The following CCDC7 variants were observed in gnomAD, a reference collection of about 807,000 sequenced individuals.
CCDC7 encodes coiled-coil domain containing 7.
CCDC7 carries 183 observed loss-of-function variants against 196.9 expected under a neutral mutation model. The observed-to-expected ratio is 0.93, with a 90% CI of 0.82 to 1.05. The LOEUF is 1.05. CCDC7 is among the 50% of genes least tolerant of loss of function. CCDC7 has a pLI of 0.00. For synonymous variants in CCDC7, 525 were observed against 484.6 expected (o/e 1.08, Z -1.10); for missense variants, 1,540 against 1,482.2 (o/e 1.04, Z -0.64).
chr10:32,725,431 T>G, intron 25 of CCDC7: 1 of 470,228 alleles, frequency 2.1e-6, no homozygotes. Flanking sequence ...AGTACTTGTT[T>G]TTTTGTTCCA....
chr10:32,781,044 CA>C (rs149595331), intron 29 of CCDC7, among the ~76,000 whole-genome samples: 1 of 151,600 alleles, frequency 6.6e-6, no homozygotes, highest in Non-Finnish European at 1.5e-5. Context: ...AACTGTACAC[CA>C]AAAAAACTGG....
chr10:32,612,559 C>T (rs1280719511), intron 18 of CCDC7, among the ~76,000 whole-genome samples: 3 of 152,050 alleles, frequency 2.0e-5, no homozygotes, highest in African/African-American at 4.8e-5. Context: ...GTGGGTTTGT[C>T]GTAAATAGCT....
intron 18 of CCDC7, among the ~76,000 whole-genome samples, chr10:32,614,351 TA>T (rs1257557016): frequency 6.6e-6 from 1 of 151,840 alleles, no homozygotes; most frequent in African/African-American, 2.4e-5. Context: ...CATAGGCTAA[TA>T]CGTCTCCTGA....
At chr10:32,508,108 A>C (rs1422419183) in intron 9 of CCDC7, among the ~76,000 whole-genome samples, 1 of 152,222 alleles carries the variant, frequency 6.6e-6, no homozygotes, top group Non-Finnish European at 1.5e-5. Flanking sequence ...AGATGACATG[A>C]GTTCATATAT....
At chr10:32,869,536 G>T (rs2094343774) in intron 41 of CCDC7, among the ~76,000 whole-genome samples, 1 of 152,110 alleles carries the variant, frequency 6.6e-6, no homozygotes, top group African/African-American at 2.4e-5. Flanking sequence ...TCTGATGGTA[G>T]TTTCTTTTCT....
intron 28 of CCDC7, among the ~76,000 whole-genome samples, chr10:32,753,156 A>G (rs2504334): frequency 0.045 from 6,817 of 152,220 alleles, 212 homozygotes; most frequent in Non-Finnish European, 0.071. Context: ...TGATAGGTAA[A>G]AGTCTTTTGC....
At chr10:32,508,455 A>T (rs1225271642) in intron 9 of CCDC7, among the ~76,000 whole-genome samples, 1 of 152,216 alleles carries the variant, frequency 6.6e-6, no homozygotes, top group Non-Finnish European at 1.5e-5. Flanking sequence ...TGTTGCAAAT[A>T]AGTCCATGTA....
chr10:32,852,091 T>C (rs1368304647), intron 40 of CCDC7, among the ~76,000 whole-genome samples, 159 bp downstream of exon 41: 1 of 152,206 alleles, frequency 6.6e-6, no homozygotes, highest in Non-Finnish European at 1.5e-5. Flanking sequence ...TGTTCATTCT[T>C]AGCAATGAGT....
At chr10:32,471,699 AT>A (rs1235273717) in intron 6 of CCDC7, among the ~76,000 whole-genome samples, 2 of 152,156 alleles carry the variant, frequency 1.3e-5, no homozygotes, top group African/African-American at 4.8e-5. Context: ...ATAAGCAACC[AT>A]GTTTTTGCAT....
In CCDC7 at chr10:32,779,031, TG is replaced by T. The variant is rs2080597080; in HGVS notation, c.2961del (p.Met987IlefsTer8). ...GATACAGCAGAAAATCTTCCAGCAA[TG>T]TACCCGTCAATTAGCGACCTAATAA... On this transcript the variant is annotated frameshift_variant, in exon 29 of 42. Transcript: ENST00000639629. LOFTEE classifies it high-confidence loss of function. 4 of 1,550,312 alleles carry T rather than the reference TG, an allele frequency of 2.6e-6. No individual in the cohort carries two copies. Among genetic ancestry groups the T allele is most frequent in the Non-Finnish European group, 3.5e-6 (4 of 1,146,848 alleles).
chr10:32,593,179 T>C (rs2059957815), intron 18 of CCDC7, among the ~76,000 whole-genome samples: 1 of 152,212 alleles, frequency 6.6e-6, no homozygotes, highest in South Asian at 2.1e-4. Flanking sequence ...TGTAAAAGCA[T>C]TCCTATTTCT....
At chr10:32,798,832 T>G (rs1435951947) in intron 29 of CCDC7, among the ~76,000 whole-genome samples, 1 of 152,148 alleles carries the variant, frequency 6.6e-6, no homozygotes, top group Non-Finnish European at 1.5e-5. Context: ...TGTCCACTGT[T>G]GGGTGGTGCC....
chr10:32,731,625 A>G (rs936188058), intron 28 of CCDC7, among the ~76,000 whole-genome samples: 1 of 152,238 alleles, frequency 6.6e-6, no homozygotes, highest in East Asian at 1.9e-4. Context: ...TGAAGTAATA[A>G]GAGTGCCTCC....
chr10:32,757,292 A>C (rs978871050), intron 28 of CCDC7, among the ~76,000 whole-genome samples: 1 of 152,212 alleles, frequency 6.6e-6, no homozygotes, highest in African/African-American at 2.4e-5. Context: ...AAATCAACAG[A>C]ATACACATTC....
intron 18 of CCDC7, among the ~76,000 whole-genome samples, chr10:32,600,377 A>G (rs2060869699): frequency 6.6e-6 from 1 of 151,646 alleles, no homozygotes; most frequent in East Asian, 1.9e-4. Flanking sequence ...GTTGGTGTAT[A>G]GTAGTGCTAC....
At chr10:32,475,360 C>T (rs758002885) in intron 8 of CCDC7, among the ~76,000 whole-genome samples, 16 of 152,168 alleles carry the variant, frequency 1.1e-4, no homozygotes, top group Non-Finnish European at 1.8e-4. Flanking sequence ...TTTCTGAATA[C>T]CACTGTTTCA....
upstream of CCDC7, among the ~76,000 whole-genome samples, chr10:32,448,657 G>A (rs981545047): frequency 2.0e-5 from 3 of 151,662 alleles, no homozygotes; most frequent in African/African-American, 7.3e-5. Context: ...CTTTTGCCAT[G>A]GTTTCTGGCA....
intron 16 of CCDC7, chr10:32,574,548 AT>A: frequency 1.5e-6 from 2 of 1,341,556 alleles, no homozygotes; most frequent in Admixed American, 2.8e-5. Context: ...AATAAAGTAC[AT>A]TTTTGCTCTT....
chr10:32,860,005 T>A (rs1270563561), intron 41 of CCDC7, among the ~76,000 whole-genome samples: 1 of 152,150 alleles, frequency 6.6e-6, no homozygotes, highest in African/African-American at 2.4e-5. Context: ...CTGGTACCAT[T>A]CCTTCTGAAA....
Sources: allele counts gnomAD v4.1 joint callset (sites outside exome capture counted in the v4.1 genomes callset), GRCh38; gene constraint gnomAD v4.1.1; transcripts MANE v1.5; gene names NCBI Gene and HGNC (gene_info 2026-07-23, HGNC 2026-07-21).